MYH11: variants seen among roughly 807,000 people sequenced by gnomAD.
The protein encoded by MYH11 is myosin heavy chain 11, also known as myosin-11.
Under a neutral mutation model 246.6 loss-of-function variants are expected in MYH11, and 80 were observed. The ratio of observed to expected loss-of-function variants is 0.32; its 90% CI spans 0.27 to 0.39. MYH11 has a LOEUF of 0.39. MYH11 is among the 10% of genes least tolerant of loss of function. MYH11 has a pLI of 1.00. For synonymous variants in MYH11, 1,071 were observed against 1,015.5 expected (o/e 1.05, Z -1.04); for missense variants, 2,158 against 2,546.8 (o/e 0.85, Z 3.29).
At chr16:15,831,263 C>T (rs2043728307) in intron 2 of MYH11, among the ~76,000 whole-genome samples, 2 of 151,960 alleles carry the variant, frequency 1.3e-5, no homozygotes, top group South Asian at 4.2e-4. Context: ...ACTGGAAGGG[C>T]GAGAAATAGG....
Position 15,714,934 on chromosome 16 carries a change from C to A in MYH11, c.5761G>T (p.Val1921Leu). The A allele has an allele frequency of 6.2e-7, 1 of 1,614,074 alleles. No individual in the cohort carries two copies. Among genetic ancestry groups the A allele is most frequent in the South Asian group, 1.1e-5 (1 of 91,088 alleles). Residue 1921 changes from valine (V) to leucine (L), a missense_variant, in exon 40 of 41, where the codon GTG (valine) becomes TTG (leucine). Val to Leu is a conservative substitution (Grantham distance 32). This residue lies in a region of MYH11 where 1,013 missense variants were observed against 993.5 expected (regional missense o/e 1.02). Transcript: ENST00000300036. ...TESNEAMGRE[V>L]NALKSKLRRG... ...CTGAGCTTGCTCTTGAGTGCGTTCACCTCGCGGCCCATGGCCTCGTTGCTC... is the reference window on the plus strand; with the variant it reads ...CTGAGCTTGCTCTTGAGTGCGTTCAACTCGCGGCCCATGGCCTCGTTGCTC...
intron 31 of MYH11, 106 bp from the exon 32 acceptor site, chr16:15,721,740 C>T (rs1217791952): frequency 2.6e-6 from 3 of 1,154,002 alleles, no homozygotes; most frequent in East Asian, 2.4e-5. Context: ...TATTGAGGTG[C>T]AGGTGTAAGC....
intron 2 of MYH11, among the ~76,000 whole-genome samples, chr16:15,828,803 A>AAG (rs1555457897): frequency 1.9e-4 from 27 of 143,736 alleles, no homozygotes; most frequent in African/African-American, 4.2e-4. Context: ...AAAAAAAAAA[A>AAG]GAAGGAAGGA....
At chr16:15,709,409 G>A (rs1195178002) in intron 40 of MYH11, among the ~76,000 whole-genome samples, 1 of 151,508 alleles carries the variant, frequency 6.6e-6, no homozygotes. Context: ...CCACCTCCCG[G>A]GTTCAAGCGA....
At chr16:15,849,415 T>G (rs975311993) in intron 1 of MYH11, among the ~76,000 whole-genome samples, 1 of 152,160 alleles carries the variant, frequency 6.6e-6, no homozygotes. Context: ...GTCAGCCTTG[T>G]TTACAGTCCT....
intron 4 of MYH11, among the ~76,000 whole-genome samples, chr16:15,789,219 A>C (rs1003358746): frequency 2.6e-5 from 4 of 151,986 alleles, no homozygotes; most frequent in Admixed American, 2.6e-4. Context: ...CTTTTACTAC[A>C]TTTCACCAAG....
chr16:15,764,453 G>C (rs1484543046), intron 9 of MYH11, among the ~76,000 whole-genome samples: 1 of 151,994 alleles, frequency 6.6e-6, no homozygotes, highest in Non-Finnish European at 1.5e-5. Context: ...ATACAGCCTG[G>C]GCAATGTAGG....
intron 2 of MYH11, among the ~76,000 whole-genome samples, chr16:15,827,325 C>T (rs2043598513): frequency 6.6e-6 from 1 of 152,146 alleles, no homozygotes; most frequent in East Asian, 1.9e-4. Flanking sequence ...GGAGGTATTC[C>T]CTGCACTGAG....
In MYH11 at chr16:15,784,663, C is replaced by G. The variant is rs754884915; in HGVS notation, c.633+1967G>C. 3.1e-6 allele frequency: 5 copies of G among 1,613,080 alleles called. No individual in the cohort carries two copies. In the South Asian group the frequency reaches 5.5e-5, roughly 18 times the overall value. On this transcript the variant is annotated intron_variant, in intron 5 of 40. Transcript: ENST00000300036. Reference sequence around the variant, plus strand: ...CAGATCTAAGTTCACTCCGTGCCTCCCCTACACACCAGGAAAACACTCTCA... The same window carrying G: ...CAGATCTAAGTTCACTCCGTGCCTCGCCTACACACCAGGAAAACACTCTCA...
At chr16:15,851,690 G>A (rs1272230352) in intron 1 of MYH11, among the ~76,000 whole-genome samples, 1 of 152,090 alleles carries the variant, frequency 6.6e-6, no homozygotes, top group African/African-American at 2.4e-5. Flanking sequence ...AAAAGTGAAT[G>A]GTGAACCTGT....
At chr16:15,776,280 T>C in intron 7 of MYH11, 104 bp from the exon 8 acceptor site, 6 of 809,916 alleles carry the variant, frequency 7.4e-6, no homozygotes, top group South Asian at 7.1e-5. Flanking sequence ...ACTTTCCAGT[T>C]CTACCCCTGG....
At chr16:15,717,917 G>A in intron 37 of MYH11, 1 of 325,752 alleles carries the variant, frequency 3.1e-6, no homozygotes, top group East Asian at 7.4e-5. Flanking sequence ...ACCACAAGGG[G>A]CTGCAGGTTA....
intron 3 of MYH11, among the ~76,000 whole-genome samples, chr16:15,806,171 GGAGGCT>G (rs2043006882): frequency 1.3e-5 from 2 of 151,114 alleles, no homozygotes; most frequent in South Asian, 4.2e-4. Context: ...CAGCTACTCG[GGAGGCT>G]GAGGCAGGAG....
chr16:15,779,239 C>T (rs2042293299), intron 6 of MYH11: 1 of 342,958 alleles, frequency 2.9e-6, no homozygotes, highest in African/African-American at 2.1e-5. Context: ...AAGCAATCCC[C>T]TTTTCCCCAT....
At position 15,715,274 on chromosome 16, in the gene MYH11, T is replaced by G; in HGVS notation, c.5505-2A>C. The G allele has an allele frequency of 1.2e-6, 2 of 1,614,058 alleles. No homozygotes were observed. Among genetic ancestry groups the G allele is most frequent in the Non-Finnish European group, 1.7e-6 (2 of 1,180,004 alleles). On this transcript the variant is annotated splice_acceptor_variant, in intron 38 of 40. Coordinates refer to ENST00000300036, the MANE Select transcript of MYH11 (RefSeq NM_002474.3). LOFTEE classifies it high-confidence loss of function. The stretch of plus-strand genomic sequence containing the variant: ...GACTTGGTGGCCGCCTGTTTCTCTC[T>G]GCAAACAGCAAGGAAAACAGGTGGT...
rs2040703695 is a variant in MYH11, at chr16:15,725,385, G to C, written c.3859-393C>G. On this transcript the variant is annotated intron_variant, in intron 28 of 40. Transcript: ENST00000300036. ...CTGGCTGGTCCACTCTCTAAGGCTG[G>C]AGAAGGGAGACCAGGATGGTACTTG... 9.4e-6 allele frequency: 5 copies of C among 530,878 alleles called. No individual in the cohort carries two copies. The East Asian group carries it at 1.5e-4, about 16-fold the overall frequency. The allele number at this position is 530,878 out of a possible 1,614,324, so 32.9% of individuals were successfully genotyped here.
intron 4 of MYH11, among the ~76,000 whole-genome samples, chr16:15,796,092 C>A (rs1299264968): frequency 6.6e-6 from 1 of 152,046 alleles, no homozygotes; most frequent in African/African-American, 2.4e-5. Flanking sequence ...GGTGACGGGA[C>A]CCTGAACTAG....
In MYH11 at chr16:15,841,747, G is replaced by A. The variant is rs140446572; in HGVS notation, c.-17-3478C>T. ...TGCAGGGGCTGTCCTGGAAACACTG[G>A]CTTACAGCCCCTTCTACCTCTTGCT... On this transcript the variant is annotated intron_variant, in intron 1 of 40. Coordinates refer to ENST00000300036, the MANE Select transcript of MYH11 (RefSeq NM_002474.3). Among the ~76,000 whole-genome samples, 31 of 152,326 alleles carry A rather than the reference G, an allele frequency of 2.0e-4. No homozygotes were observed. In the East Asian group the frequency reaches 6.0e-3, roughly 29 times the overall value.
intron 1 of MYH11, among the ~76,000 whole-genome samples, chr16:15,855,679 A>T (rs1282616036): frequency 3.9e-5 from 6 of 152,232 alleles, no homozygotes; most frequent in African/African-American, 9.6e-5. Context: ...CAAAGGGAAA[A>T]CATCAATTTC....
Sources: gnomAD v4.1 joint callset for allele counts (sites outside exome capture counted in the v4.1 genomes callset) on GRCh38, gnomAD v4.1.1 for gene constraint, gnomAD v4.1.1 regional missense constraint, MANE v1.5 for transcripts, NCBI Gene and HGNC (gene_info 2026-07-23, HGNC 2026-07-21) for gene names.